The following HS6ST3 variants were observed in gnomAD, a reference collection of about 807,000 sequenced individuals.
HS6ST3 encodes the protein heparan-sulfate 6-O-sulfotransferase 3.
A neutral mutation model predicts 36.7 loss-of-function variants in HS6ST3; 12 were observed. That is an observed-to-expected ratio of 0.33 (90% CI 0.21 to 0.53). HS6ST3 has a LOEUF of 0.53. Among genes scored for constraint, HS6ST3 ranks in the 20% least tolerant of loss-of-function variants. HS6ST3 has a pLI of 0.95. For missense variants in HS6ST3, 584 were observed against 640.9 expected, an observed-to-expected ratio of 0.91 and a Z score of 0.96; for synonymous variants, 240 against 257.5, an observed-to-expected ratio of 0.93 and a Z score of 0.65.
intron 1 of HS6ST3, among the ~76,000 whole-genome samples, chr13:96,135,967 A>T (rs1234518400): frequency 2.0e-5 from 3 of 152,204 alleles, no homozygotes; most frequent in African/African-American, 7.2e-5. Context: ...TGCAGCCTGC[A>T]TTCCACCGGT....
At chr13:96,133,654 C>T (rs1432258333) in intron 1 of HS6ST3, among the ~76,000 whole-genome samples, 1 of 151,984 alleles carries the variant, frequency 6.6e-6, no homozygotes, top group Non-Finnish European at 1.5e-5. Flanking sequence ...AACTCCTGAC[C>T]TCAGGTGATT....
chr13:96,583,948 C>A (rs1341790325), intron 1 of HS6ST3, among the ~76,000 whole-genome samples: 1 of 152,110 alleles, frequency 6.6e-6, no homozygotes, highest in Non-Finnish European at 1.5e-5. Flanking sequence ...TTATTAGTGA[C>A]AATTAAAAAT....
intron 1 of HS6ST3, among the ~76,000 whole-genome samples, chr13:96,728,656 A>G (rs1876065503): frequency 6.6e-6 from 1 of 152,224 alleles, no homozygotes; most frequent in South Asian, 2.1e-4. Context: ...TAGTATGACA[A>G]GCTCAAATGT....
chr13:96,763,887 A>G (rs180902951), intron 1 of HS6ST3, among the ~76,000 whole-genome samples: 3 of 152,344 alleles, frequency 2.0e-5, no homozygotes, highest in Non-Finnish European at 2.9e-5. Flanking sequence ...TATTGCAACA[A>G]TCTGTTTTTC....
At chr13:96,666,450 C>G (rs1205427753) in intron 1 of HS6ST3, among the ~76,000 whole-genome samples, 1 of 152,132 alleles carries the variant, frequency 6.6e-6, no homozygotes, top group Non-Finnish European at 1.5e-5. Context: ...TAAAATGCAT[C>G]ACATTCATGC....
chr13:96,805,152 T>C (rs1878166760), intron 1 of HS6ST3, among the ~76,000 whole-genome samples: 1 of 152,156 alleles, frequency 6.6e-6, no homozygotes, highest in Admixed American at 6.5e-5. Flanking sequence ...GTAATATGGT[T>C]TGGCTCTATG....
chr13:96,412,750 T>C (rs1417355163), intron 1 of HS6ST3, among the ~76,000 whole-genome samples: 1 of 151,868 alleles, frequency 6.6e-6, no homozygotes, highest in Non-Finnish European at 1.5e-5. Context: ...CATCTCCAAC[T>C]CAATTTGAAA....
chr13:96,547,709 G>T (rs979085641), intron 1 of HS6ST3, among the ~76,000 whole-genome samples: 2 of 152,030 alleles, frequency 1.3e-5, no homozygotes, highest in African/African-American at 4.8e-5. Flanking sequence ...CCTCATCTTC[G>T]TTTGTGGCAT....
chr13:96,528,972 T>A (rs1174198907), intron 1 of HS6ST3, among the ~76,000 whole-genome samples: 1 of 152,160 alleles, frequency 6.6e-6, no homozygotes, highest in Non-Finnish European at 1.5e-5. Flanking sequence ...ATAATATTTT[T>A]TCATAAAAAT....
chr13:96,266,622 C>G (rs115592483), intron 1 of HS6ST3, among the ~76,000 whole-genome samples: 1 of 152,086 alleles, frequency 6.6e-6, no homozygotes, highest in Non-Finnish European at 1.5e-5. Context: ...TAGATTTGCA[C>G]TAATTCCCAT....
intron 1 of HS6ST3, among the ~76,000 whole-genome samples, chr13:96,647,398 C>T (rs2056592337): frequency 6.6e-6 from 1 of 152,038 alleles, no homozygotes; most frequent in South Asian, 2.1e-4. Context: ...TATTCTTCAA[C>T]AAAGTTGCAC....
chr13:96,456,253 G>C (rs2055754195), intron 1 of HS6ST3, among the ~76,000 whole-genome samples: 1 of 152,264 alleles, frequency 6.6e-6, no homozygotes, highest in Admixed American at 6.5e-5. Flanking sequence ...AAACTAGATT[G>C]ATCTAGCTGT....
At chr13:96,533,136 GT>G (rs1457205778) in intron 1 of HS6ST3, among the ~76,000 whole-genome samples, 4 of 152,196 alleles carry the variant, frequency 2.6e-5, no homozygotes, top group African/African-American at 9.6e-5. Context: ...TTCATTCTCT[GT>G]TGTAATTGGA....
At chr13:96,627,713 A>G (rs1241489036) in intron 1 of HS6ST3, among the ~76,000 whole-genome samples, 2 of 151,984 alleles carry the variant, frequency 1.3e-5, no homozygotes, top group Non-Finnish European at 2.9e-5. Flanking sequence ...TGTACTAAAT[A>G]TAGCCATTTA....
At chr13:96,298,093 A>G (rs1331033903) in intron 1 of HS6ST3, among the ~76,000 whole-genome samples, 1 of 148,738 alleles carries the variant, frequency 6.7e-6, no homozygotes, top group East Asian at 1.9e-4. Flanking sequence ...GAAGTAATTA[A>G]TTTCTTACTT....
intron 1 of HS6ST3, among the ~76,000 whole-genome samples, chr13:96,764,099 A>T (rs1352443022): frequency 2.0e-5 from 3 of 152,222 alleles, no homozygotes; most frequent in Non-Finnish European, 4.4e-5. Context: ...ACGTCTTTAG[A>T]TTCTAAGGAT....
chr13:96,362,452 A>T (rs140921825), intron 1 of HS6ST3, among the ~76,000 whole-genome samples: 17 of 152,288 alleles, frequency 1.1e-4, no homozygotes, highest in African/African-American at 3.6e-4. Flanking sequence ...GTACAATCTT[A>T]TCTCTGTTTT....
chr13:96,211,151 C>T (rs2054397202), intron 1 of HS6ST3, among the ~76,000 whole-genome samples: 1 of 152,162 alleles, frequency 6.6e-6, no homozygotes, highest in Non-Finnish European at 1.5e-5. Flanking sequence ...AGGCTGGTCT[C>T]GAACTCCTGA....
At chr13:96,535,698 A>G (rs1339672346) in intron 1 of HS6ST3, among the ~76,000 whole-genome samples, 1 of 152,154 alleles carries the variant, frequency 6.6e-6, no homozygotes, top group Admixed American at 6.5e-5. Flanking sequence ...GGGGGATGAG[A>G]GGCTGGGAAA....
Sources: allele counts gnomAD v4.1 joint callset (sites outside exome capture counted in the v4.1 genomes callset), GRCh38; gene constraint gnomAD v4.1.1; transcripts MANE v1.5; gene names NCBI Gene and HGNC (gene_info 2026-07-23, HGNC 2026-07-21).